The following PTPRD variants were observed in gnomAD, a reference collection of about 807,000 sequenced individuals.
The protein encoded by PTPRD is protein tyrosine phosphatase receptor type D, also known as receptor-type tyrosine-protein phosphatase delta.
PTPRD carries 34 observed loss-of-function variants against 214.5 expected under a neutral mutation model. The ratio of observed to expected loss-of-function variants is 0.16; its 90% CI spans 0.12 to 0.21. The LOEUF (loss-of-function observed/expected upper bound fraction) is 0.21. Ranked by LOEUF, PTPRD falls within the 10% of genes least tolerant of loss-of-function variation. The pLI is 1.00. For synonymous variants in PTPRD, 1,128 were observed against 845.7 expected (o/e 1.33, Z -5.79); for missense variants, 2,545 against 2,398.7 (o/e 1.06, Z -1.27).
At position 9,583,294 on chromosome 9, in the gene PTPRD, T is replaced by A. The variant is rs542336339; in HGVS notation, c.-286-8513A>T. Among the ~76,000 whole-genome samples the A allele has an allele frequency of 8.5e-5, 13 of 152,106 alleles. No homozygotes were observed. The South Asian group carries it at 2.5e-3, about 29-fold the overall frequency. ...TGTCTCTTAACTGAAAATTTATACA[T>A]CCTTATGTTTAATATTTTGACTCTT... On this transcript the variant is annotated intron_variant, in intron 7 of 45. Coordinates refer to ENST00000381196, the MANE Select transcript of PTPRD (RefSeq NM_002839.4).
intron 9 of PTPRD, among the ~76,000 whole-genome samples, chr9:9,208,809 CTT>C (rs1185200906): frequency 1.4e-5 from 2 of 146,908 alleles, no homozygotes; most frequent in African/African-American, 5.0e-5. Context: ...CAATATAACT[CTT>C]TTTTTTTTTT....
intron 9 of PTPRD, among the ~76,000 whole-genome samples, chr9:9,264,600 A>C (rs1938206451): frequency 1.3e-5 from 2 of 151,632 alleles, no homozygotes; most frequent in African/African-American, 4.8e-5. Flanking sequence ...GAGAGAGAAA[A>C]AAGGCAGAAA....
At chr9:9,945,327 C>T (rs1555373490) in intron 4 of PTPRD, among the ~76,000 whole-genome samples, 1 of 151,948 alleles carries the variant, frequency 6.6e-6, no homozygotes, top group Admixed American at 6.6e-5. Context: ...GTATTATAAA[C>T]ATAGAGATCA....
intron 14 of PTPRD, among the ~76,000 whole-genome samples, chr9:8,538,403 C>G (rs2077465931): frequency 6.6e-6 from 1 of 151,738 alleles, no homozygotes; most frequent in Non-Finnish European, 1.5e-5. Flanking sequence ...TATTTGTTAG[C>G]TTTGTAAAAA....
chr9:9,655,398 C>T (rs1394570739), intron 7 of PTPRD, among the ~76,000 whole-genome samples: 1 of 151,730 alleles, frequency 6.6e-6, no homozygotes, highest in Non-Finnish European at 1.5e-5. Context: ...GGTGAAACCC[C>T]GTCTGTACTA....
intron 7 of PTPRD, among the ~76,000 whole-genome samples, chr9:9,730,001 T>C (rs746176308): frequency 6.6e-6 from 1 of 152,102 alleles, no homozygotes; most frequent in African/African-American, 2.4e-5. Flanking sequence ...TTCTCTACAA[T>C]TTAAATACAT....
chr9:8,663,766 C>G (rs889446897), intron 12 of PTPRD, among the ~76,000 whole-genome samples: 2 of 152,014 alleles, frequency 1.3e-5, no homozygotes, highest in African/African-American at 4.8e-5. Flanking sequence ...GTTGGGATTA[C>G]AGGTGTGAGC....
At chr9:10,268,369 T>C (rs1170690007) in intron 3 of PTPRD, among the ~76,000 whole-genome samples, 2 of 151,530 alleles carry the variant, frequency 1.3e-5, no homozygotes, top group East Asian at 3.9e-4. Context: ...ATTTTTTATT[T>C]GTTATTTTTA....
At chr9:9,208,392 G>C (rs2099946364) in intron 9 of PTPRD, among the ~76,000 whole-genome samples, 2 of 151,684 alleles carry the variant, frequency 1.3e-5, no homozygotes, top group African/African-American at 4.9e-5. Context: ...CTAAAGAGAG[G>C]TGAGGGTATA....
At chr9:9,623,827 C>G (rs1184796712) in intron 7 of PTPRD, among the ~76,000 whole-genome samples, 1 of 152,174 alleles carries the variant, frequency 6.6e-6, no homozygotes, top group East Asian at 1.9e-4. Flanking sequence ...ATATCACTTT[C>G]AAGAAACAGT....
chr9:10,422,937 C>T (rs1475842984), intron 2 of PTPRD, among the ~76,000 whole-genome samples: 6 of 152,036 alleles, frequency 3.9e-5, no homozygotes, highest in Admixed American at 3.9e-4. Context: ...CCATTTGACC[C>T]AGCCATCCCA....
chr9:9,761,624 A>G (rs1233867805), intron 6 of PTPRD, among the ~76,000 whole-genome samples: 1 of 152,202 alleles, frequency 6.6e-6, no homozygotes, highest in Non-Finnish European at 1.5e-5. Flanking sequence ...ATTATACTAT[A>G]GTTTTCCAAA....
intron 9 of PTPRD, among the ~76,000 whole-genome samples, chr9:9,293,647 T>A (rs1951977515): frequency 1.3e-5 from 2 of 151,544 alleles, no homozygotes; most frequent in Non-Finnish European, 3.0e-5. Flanking sequence ...TACCCCCTTA[T>A]CCTTCTTCAG....
chr9:9,453,646 T>C (rs1384054298), intron 8 of PTPRD, among the ~76,000 whole-genome samples: 1 of 151,864 alleles, frequency 6.6e-6, no homozygotes. Context: ...ATATGTTTGT[T>C]TACTGTTCTC....
rs111481014 is a variant in PTPRD, at chr9:8,693,796, C to T, written c.64+39984G>A. Among the ~76,000 whole-genome samples, 836 of 152,322 alleles carry T rather than the reference C, an allele frequency of 5.5e-3. 12 individuals are homozygous for T. Among genetic ancestry groups the T allele is most frequent in the African/African-American group, 0.019 (803 of 41,576 alleles). ...AGCAAAGCTGAGAAAACAACACCTACACACACAAAACACTTCCACAACAAA... is the reference window on the plus strand; with the variant it reads ...AGCAAAGCTGAGAAAACAACACCTATACACACAAAACACTTCCACAACAAA... On this transcript the variant is annotated intron_variant, in intron 12 of 45. Coordinates refer to ENST00000381196, the MANE Select transcript of PTPRD (RefSeq NM_002839.4).
intron 7 of PTPRD, among the ~76,000 whole-genome samples, chr9:9,662,984 G>T (rs972865271): frequency 1.3e-5 from 2 of 151,424 alleles, no homozygotes; most frequent in African/African-American, 4.8e-5. Context: ...TTTTCTTTAT[G>T]CATAAGTTTA....
At chr9:10,185,747 T>C (rs1438098209) in intron 3 of PTPRD, among the ~76,000 whole-genome samples, 1 of 152,296 alleles carries the variant, frequency 6.6e-6, no homozygotes, top group South Asian at 2.1e-4. Flanking sequence ...AGCGGTTTTT[T>C]TTTTCCCTGT....
intron 2 of PTPRD, among the ~76,000 whole-genome samples, chr9:10,415,762 G>T (rs886604728): frequency 6.6e-6 from 1 of 151,864 alleles, no homozygotes; most frequent in Non-Finnish European, 1.5e-5. Flanking sequence ...AGACAGATCA[G>T]AGAAAGAGGA....
intron 45 of PTPRD, among the ~76,000 whole-genome samples, chr9:8,318,565 G>C (rs372940619): frequency 6.6e-6 from 1 of 151,966 alleles, no homozygotes; most frequent in Non-Finnish European, 1.5e-5. Flanking sequence ...TAGCTGGTGC[G>C]GCACACCAGG....
Sources: gnomAD v4.1 joint callset for allele counts (sites outside exome capture counted in the v4.1 genomes callset) on GRCh38, gnomAD v4.1.1 for gene constraint, MANE v1.5 for transcripts, NCBI Gene and HGNC (gene_info 2026-07-23, HGNC 2026-07-21) for gene names.